DYNC1H1: variants seen among roughly 807,000 people sequenced by gnomAD.
The protein encoded by DYNC1H1 is cytoplasmic dynein 1 heavy chain 1.
Under a neutral mutation model 527.1 loss-of-function variants are expected in DYNC1H1, and 51 were observed. That is an observed-to-expected ratio of 0.10 (90% CI 0.08 to 0.12). The LOEUF (loss-of-function observed/expected upper bound fraction) is 0.12, where lower values mean the gene tolerates loss of function less well. DYNC1H1 is among the 10% of genes least tolerant of loss of function. DYNC1H1 has a pLI of 1.00. For synonymous variants in DYNC1H1, 2,189 were observed against 2,278.8 expected (o/e 0.96, Z 1.12); for missense variants, 2,771 against 5,971.8 (o/e 0.46, Z 17.66).
chr14:102,047,869 C>T lies in DYNC1H1; in HGVS notation c.13059C>T (p.Asp4353=), dbSNP rs773232010. Residue 4353 remains aspartate, a synonymous_variant, in exon 73 of 78, where the codon GAC becomes GAT. Transcript: ENST00000360184. ...AGATGCAGATGTTGGAGGATGAGGA[C>T]GACCTGGCCTACGCAGAGACTGAGA... ...MLKMQMLEDE[D]DLAYAETEKK... is the part of the protein sequence containing the mutation. 1.7e-5 allele frequency: 27 copies of T among 1,613,356 alleles called. No homozygotes were observed. The highest frequency in any genetic ancestry group is 1.5e-4 in the Admixed American group (9 of 59,924).
intron 43 of DYNC1H1, among the ~76,000 whole-genome samples, chr14:102,025,393 A>G (rs895408757): frequency 6.6e-6 from 1 of 150,460 alleles, no homozygotes; most frequent in Non-Finnish European, 1.5e-5. Context: ...CGACAGAGGG[A>G]GACTCTGTCT....
At chr14:102,006,192 G>A (rs1361605568) in intron 27 of DYNC1H1, 22 bp downstream of exon 27, 1 of 1,611,856 alleles carries the variant, frequency 6.2e-7, no homozygotes, top group Non-Finnish European at 8.5e-7. Flanking sequence ...CACAGATCTG[G>A]ACAGATGGAA....
At chr14:102,019,332 C>A (rs1187505184) in intron 41 of DYNC1H1, among the ~76,000 whole-genome samples, 1 of 152,252 alleles carries the variant, frequency 6.6e-6, no homozygotes, top group Non-Finnish European at 1.5e-5. Context: ...TCTGTTGAGC[C>A]TCCCATGGAG....
intron 72 of DYNC1H1, among the ~76,000 whole-genome samples, chr14:102,046,096 A>AG (rs1445494039): frequency 6.6e-6 from 1 of 151,174 alleles, no homozygotes; most frequent in Non-Finnish European, 1.5e-5. Flanking sequence ...TGAACCCGGG[A>AG]GGGGGAGCTT....
rs749698823 is a variant in DYNC1H1 at position 102,022,796 on chromosome 14, C to T, written c.8553C>T (p.Asp2851=). 6.2e-7 allele frequency: 1 copy of T among 1,614,220 alleles called. No homozygotes were observed. Among genetic ancestry groups the T allele is most frequent in the South Asian group, 1.1e-5 (1 of 91,086 alleles). Residue 2851 remains aspartate, a synonymous_variant, in exon 43 of 78, where the codon GAC becomes GAT. Transcript: ENST00000360184. ...GGCGTTGGACTGATGAGAACATCGA[C>T]ACGGTTGCTCTGAAGCACTTCCCTA... ...EERRWTDENI[D]TVALKHFPNI...
At chr14:101,981,694 A>T (rs995418712) in intron 5 of DYNC1H1, among the ~76,000 whole-genome samples, 1 of 152,214 alleles carries the variant, frequency 6.6e-6, no homozygotes, top group South Asian at 2.1e-4. Flanking sequence ...CATTGCACAC[A>T]TTACATGCGC....
In DYNC1H1 at chr14:102,044,084, A is replaced by G. The variant is rs754990284; in HGVS notation, c.12684+39A>G. On this transcript the variant is annotated intron_variant, in intron 70 of 77. Transcript: ENST00000360184. This position sits in a 1 kb window ranked among gnomAD's most constrained non-coding sequence, Gnocchi z 7.1. ...ATGCCAGGACAGACAGTGGACGTGT[A>G]TCTGGGAAGGATGCTGCAGGGCGTG... 1.9e-6 allele frequency: 3 copies of G among 1,610,910 alleles called. No homozygotes were observed. Among genetic ancestry groups the G allele is most frequent in the Non-Finnish European group, 2.5e-6 (3 of 1,179,764 alleles).
intron 27 of DYNC1H1, among the ~76,000 whole-genome samples, chr14:102,006,588 C>T (rs2048199093): frequency 6.6e-6 from 1 of 150,492 alleles, no homozygotes; most frequent in Non-Finnish European, 1.5e-5. Context: ...AATTTGTTTG[C>T]ATTTATTACT....
chr14:102,026,724 T>C lies in DYNC1H1; in HGVS notation c.8771+17T>C, dbSNP rs780934247. The C allele has an allele frequency of 6.2e-7, 1 of 1,613,120 alleles. No homozygotes were observed. Among genetic ancestry groups the C allele is most frequent in the African/African-American group, 1.3e-5 (1 of 75,036 alleles). On this transcript the variant is annotated intron_variant, in intron 44 of 77. Coordinates refer to ENST00000360184, the MANE Select transcript of DYNC1H1 (RefSeq NM_001376.5). The stretch of plus-strand genomic sequence containing the variant: ...GATTGACAGGTGGGCTTTTTTGTTG[T>C]TACAGCCCCACCTCTCGCCTAAGCT...
chr14:102,050,285 C>T lies in DYNC1H1; in HGVS notation c.13812+87C>T, dbSNP rs560635120. The T allele has an allele frequency of 1.4e-5, 22 of 1,611,714 alleles. No individual in the cohort carries two copies. In the South Asian group the frequency reaches 2.3e-4, roughly 17 times the overall value. ...GCGGCTCCTCTTCTATGCCTGGGTT[C>T]CACTTGGAACGGGAAATGAGGTTCA... is the stretch of plus-strand genomic sequence containing the variant. On this transcript the variant is annotated intron_variant, in intron 77 of 77. Transcript: ENST00000360184.
At position 102,002,404 on chromosome 14, in the gene DYNC1H1, C is replaced by T. The variant is rs542654511; in HGVS notation, c.4543-133C>T. On this transcript the variant is annotated intron_variant, in intron 21 of 77. Transcript: ENST00000360184. This position sits in a 1 kb window ranked among gnomAD's most constrained non-coding sequence, Gnocchi z 4.4. Reference sequence around the variant, plus strand: ...GGGATTACAGGCGTGAGCCACCACACCCGTCTACTTGTTGTTTAAAATGTG... The same window carrying T: ...GGGATTACAGGCGTGAGCCACCACATCCGTCTACTTGTTGTTTAAAATGTG... 5 of 1,263,676 alleles carry T rather than the reference C, an allele frequency of 4.0e-6. No individual in the cohort carries two copies. The highest frequency in any genetic ancestry group is 1.5e-5 in the African/African-American group (1 of 68,032). The allele number at this position is 1,263,676 out of a possible 1,614,324, so 78.3% of individuals were successfully genotyped here.
In DYNC1H1 at chr14:101,979,365, G is replaced by A. The variant is rs1488184652; in HGVS notation, c.391G>A (p.Val131Met). ...TCCCGTGATTGATGCAGATAAACCCGTGTCTTCTCAGCTCCGGGTCCTTAC... is the reference window on the plus strand; with the variant it reads ...TCCCGTGATTGATGCAGATAAACCCATGTCTTCTCAGCTCCGGGTCCTTAC... ...RTPVIDADKP[V>M]SSQLRVLTLS... Residue 131 changes from valine (V) to methionine (M), a missense_variant, in exon 3 of 78, where the codon GTG becomes ATG. Val to Met is a conservative substitution (Grantham distance 21, BLOSUM62 1). This residue lies in a region of DYNC1H1 where 146 missense variants were observed against 288.1 expected (regional missense o/e 0.51). Coordinates refer to ENST00000360184, the MANE Select transcript of DYNC1H1 (RefSeq NM_001376.5). The surrounding 1 kb of genome is among the most constrained non-coding windows in gnomAD (Gnocchi z 4.6). 1.4e-5 allele frequency: 22 copies of A among 1,614,108 alleles called. No homozygotes were observed. Among genetic ancestry groups the A allele is most frequent in the Non-Finnish European group, 1.8e-5 (21 of 1,180,034 alleles).
At chr14:101,992,588 C>T (rs1012497312) in intron 11 of DYNC1H1, among the ~76,000 whole-genome samples, 7 of 152,096 alleles carry the variant, frequency 4.6e-5, no homozygotes, top group African/African-American at 1.7e-4. Flanking sequence ...GCTGTTCTGC[C>T]CTCTCTTCTG....
rs757766965 is a variant in DYNC1H1 at position 102,001,709 on chromosome 14, C to T, written c.4542+28C>T. ...GCTGTTGCTGGGGAAGCTTTCCCTCCCCACCAGTGGTCTCCCACGCTTTCA... is the reference window on the plus strand; with the variant it reads ...GCTGTTGCTGGGGAAGCTTTCCCTCTCCACCAGTGGTCTCCCACGCTTTCA... On this transcript the variant is annotated intron_variant, in intron 21 of 77. Coordinates refer to ENST00000360184, the MANE Select transcript of DYNC1H1 (RefSeq NM_001376.5). The surrounding 1 kb of genome is among the most constrained non-coding windows in gnomAD (Gnocchi z 5.0). 3.1e-6 allele frequency: 5 copies of T among 1,613,320 alleles called. No homozygotes were observed. In the African/African-American group the frequency reaches 5.3e-5, roughly 17 times the overall value.
In DYNC1H1 at chr14:101,965,443, G is replaced by A. The variant is rs111631156; in HGVS notation, c.256+496G>A. Among the ~76,000 whole-genome samples, 1 of 152,206 alleles carries A rather than the reference G, an allele frequency of 6.6e-6. No individual in the cohort carries two copies. Among genetic ancestry groups the A allele is most frequent in the African/African-American group, 2.4e-5 (1 of 41,452 alleles). On this transcript the variant is annotated intron_variant, in intron 1 of 77. Transcript: ENST00000360184. This position sits in a 1 kb window ranked among gnomAD's most constrained non-coding sequence, Gnocchi z 4.1. ...AGGGATGTGTCGGGGGCAGACCCGC[G>A]GAGCTGGGGGCAGCCGGGGTTCTGG...
At chr14:101,988,976 G>A in intron 10 of DYNC1H1, 124 bp downstream of exon 10, 1 of 1,339,632 alleles carries the variant, frequency 7.5e-7, no homozygotes, top group Admixed American at 2.0e-5. Context: ...ACCAGGTGAT[G>A]AAGGTCAGCC....
chr14:101,972,618 G>A (rs1050649480), intron 1 of DYNC1H1, among the ~76,000 whole-genome samples: 4 of 152,134 alleles, frequency 2.6e-5, no homozygotes, highest in East Asian at 1.9e-4. Context: ...CCCCTAACCC[G>A]GTTTGCATTA....
intron 72 of DYNC1H1, among the ~76,000 whole-genome samples, chr14:102,046,213 G>A (rs1335291497): frequency 3.3e-5 from 5 of 151,680 alleles, no homozygotes; most frequent in East Asian, 1.9e-4. Context: ...CTGCCCAGGC[G>A]CACTCTATCA....
At position 102,015,951 on chromosome 14, in the gene DYNC1H1, C is replaced by T; in HGVS notation, c.7338C>T (p.Ile2446=). The part of the protein sequence containing the change: ...ALEHAFQLEH[I]MDLTRLRCLG... ...AGCACGCCTTCCAGCTGGAGCACAT[C>T]ATGGACCTAACACGCCTGCGCTGCC... The change falls in exon 36 of 78, where the codon ATC becomes ATT. Residue 2446 remains isoleucine, a synonymous_variant. Coordinates refer to ENST00000360184, the MANE Select transcript of DYNC1H1 (RefSeq NM_001376.5). The surrounding 1 kb of genome is among the most constrained non-coding windows in gnomAD (Gnocchi z 6.9). 1 of 1,614,224 alleles carries T rather than the reference C, an allele frequency of 6.2e-7. No individual in the cohort carries two copies. Among genetic ancestry groups the T allele is most frequent in the African/African-American group, 1.3e-5 (1 of 75,074 alleles).
Sources: gnomAD v4.1 joint callset for allele counts (sites outside exome capture counted in the v4.1 genomes callset) on GRCh38, gnomAD v4.1.1 for gene constraint, gnomAD v4.1.1 regional missense constraint, Gnocchi (gnomAD v3.1) non-coding constraint, MANE v1.5 for transcripts, NCBI Gene and HGNC (gene_info 2026-07-23, HGNC 2026-07-21) for gene names.